The following ERAP1 variants were observed in gnomAD, a reference collection of about 807,000 sequenced individuals.
ERAP1 encodes the protein endoplasmic reticulum aminopeptidase 1, also known as adipocyte-derived leucine aminopeptidase.
In ERAP1, 86 loss-of-function variants were observed where a neutral mutation model predicts 103.7. The ratio of observed to expected loss-of-function variants is 0.83; its 90% CI spans 0.70 to 0.99. The LOEUF (loss-of-function observed/expected upper bound fraction) is 0.99. ERAP1 is among the 50% of genes least tolerant of loss of function. ERAP1 has a pLI of 0.00. For synonymous variants in ERAP1, 398 were observed against 402.4 expected (o/e 0.99, Z 0.13); for missense variants, 1,009 against 1,128.4 (o/e 0.89, Z 1.52).
intron 19 of ERAP1, among the ~76,000 whole-genome samples, chr5:96,764,718 G>A (rs541782429): frequency 8.8e-4 from 134 of 152,330 alleles, no homozygotes; most frequent in Non-Finnish European, 1.4e-3. Context: ...TAGAGTTTTA[G>A]AGAGGACCCA....
the ERAP1 span, chr5:96,823,247 C>G: frequency 2.5e-6 from 1 of 403,864 alleles, no homozygotes. Context: ...AAATAAGTGG[C>G]AGATGCCACC....
the ERAP1 span, among the ~76,000 whole-genome samples, chr5:96,861,370 G>C: frequency 6.6e-6 from 1 of 152,214 alleles, no homozygotes; most frequent in Non-Finnish European, 1.5e-5. Context: ...CCTAATTAAG[G>C]AGAGTTTCTG....
the ERAP1 span, among the ~76,000 whole-genome samples, chr5:96,914,610 T>C: frequency 6.6e-6 from 1 of 152,230 alleles, no homozygotes; most frequent in Admixed American, 6.5e-5. Context: ...TGCCCAACCA[T>C]GTGCAGAGCC....
chr5:96,815,378 GTGTTGT>G, the ERAP1 span, among the ~76,000 whole-genome samples: 8 of 149,664 alleles, frequency 5.3e-5, no homozygotes, highest in East Asian at 1.9e-4. Context: ...AACTATTAAG[GTGTTGT>G]TGTTGTTGTT....
At chr5:96,929,042 G>C in the ERAP1 span, among the ~76,000 whole-genome samples, 15 of 152,326 alleles carry the variant, frequency 9.8e-5, no homozygotes, top group Non-Finnish European at 1.8e-4. Context: ...AGTGCTGGCA[G>C]GTCACAGCAC....
chr5:96,846,539 A>G, the ERAP1 span, among the ~76,000 whole-genome samples: 2 of 152,142 alleles, frequency 1.3e-5, no homozygotes, highest in African/African-American at 4.8e-5. Flanking sequence ...TGCTTCTTAA[A>G]CTTGCATATG....
At chr5:96,836,142 T>C in the ERAP1 span, among the ~76,000 whole-genome samples, 29 of 150,812 alleles carry the variant, frequency 1.9e-4, no homozygotes, top group African/African-American at 7.0e-4. Context: ...GGAAAACAAA[T>C]CCTTTTACAT....
At chr5:96,909,122 G>T in the ERAP1 span, 3 of 1,613,604 alleles carry the variant, frequency 1.9e-6, no homozygotes, top group Non-Finnish European at 2.5e-6. Flanking sequence ...CTCAAGGTTT[G>T]TGTTGCTTTT....
the ERAP1 span, among the ~76,000 whole-genome samples, chr5:96,855,245 T>G: frequency 6.6e-6 from 1 of 152,198 alleles, no homozygotes; most frequent in South Asian, 2.1e-4. Flanking sequence ...GATTGCATCA[T>G]TATTATAATG....
the ERAP1 span, chr5:96,880,353 T>A: frequency 1.7e-6 from 2 of 1,178,786 alleles, no homozygotes; most frequent in South Asian, 1.6e-5. Context: ...CAGCCATTTA[T>A]GAGAAATCCA....
At chr5:96,871,205 T>G in the ERAP1 span, among the ~76,000 whole-genome samples, 1 of 152,140 alleles carries the variant, frequency 6.6e-6, no homozygotes, top group Non-Finnish European at 1.5e-5. Flanking sequence ...CTTAGTTCTG[T>G]CTCCCTGCAA....
chr5:96,767,581 C>A, intron 19 of ERAP1: 2 of 823,562 alleles, frequency 2.4e-6, no homozygotes, highest in Non-Finnish European at 4.1e-6. Flanking sequence ...AATGCCTACT[C>A]TGTGCCTGGT....
chr5:96,899,559 C>T, the ERAP1 span, among the ~76,000 whole-genome samples: 1 of 152,138 alleles, frequency 6.6e-6, no homozygotes, highest in Admixed American at 6.5e-5. Flanking sequence ...ACTGGTTATT[C>T]AAGGGTCAAT....
the ERAP1 span, among the ~76,000 whole-genome samples, chr5:96,839,752 G>A: frequency 6.6e-6 from 1 of 152,226 alleles, no homozygotes; most frequent in African/African-American, 2.4e-5. Flanking sequence ...GCTCATTCCT[G>A]TCAAACAGCC....
chr5:96,915,651 T>A, the ERAP1 span: 1 of 1,302,746 alleles, frequency 7.7e-7, no homozygotes, highest in Non-Finnish European at 1.1e-6. Context: ...AGGTCAGTAT[T>A]TCTATGACTT....
At chr5:96,909,152 TAC>T in the ERAP1 span, 1 of 1,599,010 alleles carries the variant, frequency 6.3e-7, no homozygotes. Flanking sequence ...ATTAAGTAAA[TAC>T]ACAGTGTCTG....
intron 13 of ERAP1, chr5:96,785,541 T>C: frequency 2.0e-6 from 1 of 490,226 alleles, no homozygotes; most frequent in South Asian, 2.0e-5. Flanking sequence ...CACTTCCGCC[T>C]CAGTATGATC....
At chr5:96,867,524 A>C in the ERAP1 span, among the ~76,000 whole-genome samples, 2 of 152,140 alleles carry the variant, frequency 1.3e-5, no homozygotes, top group African/African-American at 2.4e-5. Context: ...TTTGAAACTC[A>C]TTCACTCACT....
chr5:96,832,501 T>C, the ERAP1 span, among the ~76,000 whole-genome samples: 4 of 152,210 alleles, frequency 2.6e-5, no homozygotes, highest in African/African-American at 4.8e-5. Context: ...TGTAAAAATA[T>C]AGAAGAACTA....
Sources: gnomAD v4.1 joint callset for allele counts (sites outside exome capture counted in the v4.1 genomes callset) on GRCh38, gnomAD v4.1.1 for gene constraint, MANE v1.5 for transcripts, NCBI Gene and HGNC (gene_info 2026-07-23, HGNC 2026-07-21) for gene names.